ESPNL: variants seen among roughly 807,000 people sequenced by gnomAD.
ESPNL encodes espin-like protein.
In ESPNL, 49 loss-of-function variants were observed where a neutral mutation model predicts 46.8. The ratio of observed to expected loss-of-function variants is 1.05; its 90% confidence interval spans 0.83 to 1.33. ESPNL has a LOEUF of 1.33. ESPNL is among the 40% of genes most tolerant of loss of function. The probability of loss-of-function intolerance (pLI) is 0.00; values close to 1 mark genes in which losing one functional copy is unlikely to be tolerated. For synonymous variants in ESPNL, 664 were observed against 662.1 expected (o/e 1.00, Z -0.04); for missense variants, 1,540 against 1,436.6 (o/e 1.07, Z -1.16).
chr2:238,100,982 A>G (rs1286024628), intron 1 of ESPNL, among the ~76,000 whole-genome samples: 1 of 152,208 alleles, frequency 6.6e-6, no homozygotes, highest in Non-Finnish European at 1.5e-5. Flanking sequence ...GCCAGATATC[A>G]GGACCCCTGT....
chr2:238,101,291 G>C (rs1456320942), intron 1 of ESPNL, among the ~76,000 whole-genome samples: 1 of 152,108 alleles, frequency 6.6e-6, no homozygotes, highest in African/African-American at 2.4e-5. Context: ...CCGCCCAGAG[G>C]TCAGAGTTGA....
At chr2:238,108,632 C>T (rs1691653922) in intron 4 of ESPNL, among the ~76,000 whole-genome samples, 1 of 152,178 alleles carries the variant, frequency 6.6e-6, no homozygotes, top group Admixed American at 6.5e-5. Context: ...CTCCTGGTTC[C>T]CCACGTTCTT....
chr2:238,121,083 C>T (rs981787271), intron 5 of ESPNL, among the ~76,000 whole-genome samples: 1 of 152,178 alleles, frequency 6.6e-6, no homozygotes, highest in Non-Finnish European at 1.5e-5. Context: ...TCGGGCTCTG[C>T]TCAGGGTGCT....
chr2:238,131,289 A>T lies in ESPNL; in HGVS notation c.2575A>T (p.Met859Leu). The T allele has an allele frequency of 1.3e-6, 2 of 1,581,182 alleles. No homozygotes were observed. Among genetic ancestry groups the T allele is most frequent in the Non-Finnish European group, 1.7e-6 (2 of 1,164,952 alleles). Residue 859 changes from methionine to leucine, a missense_variant, in exon 9 of 9, where the codon ATG (methionine) becomes TTG (leucine). Met to Leu is a conservative substitution (Grantham distance 15, BLOSUM62 2). Transcript: ENST00000343063. Reference protein sequence around the residue: ...PYSSLSLDLFMLGYFQLLECD... With the variant: ...PYSSLSLDLFLLGYFQLLECD... The stretch of plus-strand genomic sequence containing the variant: ...CAGCAGCCTCTCACTGGATCTCTTC[A>T]TGCTGGGTTACTTCCAGCTGCTGGA...
chr2:238,110,150 G>A (rs2106467222), intron 4 of ESPNL, among the ~76,000 whole-genome samples: 1 of 150,012 alleles, frequency 6.7e-6, no homozygotes, highest in South Asian at 2.1e-4. Context: ...TCTGTCCCAG[G>A]ATCCCATTTA....
intron 8 of ESPNL, 46 bp from the exon 9 acceptor site, chr2:238,130,082 T>C (rs1304441364): frequency 5.1e-6 from 8 of 1,566,552 alleles, no homozygotes; most frequent in Non-Finnish European, 5.2e-6. Flanking sequence ...GGGCTGATGG[T>C]GGGTGGGTGG....
At chr2:238,119,908 C>T (rs1287022940) in intron 5 of ESPNL, among the ~76,000 whole-genome samples, 4 of 152,266 alleles carry the variant, frequency 2.6e-5, no homozygotes, top group African/African-American at 9.6e-5. Flanking sequence ...CTGCTGGACA[C>T]TTGTCACACT....
intron 5 of ESPNL, among the ~76,000 whole-genome samples, chr2:238,117,968 GAC>G (rs1203764197): frequency 2.6e-5 from 4 of 151,536 alleles, no homozygotes; most frequent in Non-Finnish European, 4.4e-5. Context: ...AGGGGAGGTG[GAC>G]AGAGGAGAAA....
At position 238,130,333 on chromosome 2, in the gene ESPNL, T is replaced by C. The variant is rs1692271611; in HGVS notation, c.1619T>C (p.Leu540Pro). Reference protein sequence around the residue: ...LGRLAAELQALLPEPLVSITV... With the variant: ...LGRLAAELQAPLPEPLVSITV... ...CGGTTGGCGGCTGAGCTGCAGGCCCTGCTGCCCGAGCCCCTGGTCAGCATC... is the reference window on the plus strand; with the variant it reads ...CGGTTGGCGGCTGAGCTGCAGGCCCCGCTGCCCGAGCCCCTGGTCAGCATC... The change falls in exon 9 of 9, where the codon CTG becomes CCG. Residue 540 changes from leucine to proline, a missense_variant. Transcript: ENST00000343063. The C allele has an allele frequency of 6.2e-7, 1 of 1,607,578 alleles. No homozygotes were observed. Among genetic ancestry groups the C allele is most frequent in the Non-Finnish European group, 8.5e-7 (1 of 1,177,698 alleles).
At chr2:238,104,937 C>T in intron 3 of ESPNL, 95 bp downstream of exon 3, 1 of 1,137,954 alleles carries the variant, frequency 8.8e-7, no homozygotes. Flanking sequence ...CCAGAGGGAA[C>T]TGGGGACACG....
At chr2:238,106,304 T>C (rs1691597848) in intron 3 of ESPNL, among the ~76,000 whole-genome samples, 1 of 152,192 alleles carries the variant, frequency 6.6e-6, no homozygotes, top group Non-Finnish European at 1.5e-5. Flanking sequence ...ACCATGGCCC[T>C]GAGGCCCTTG....
chr2:238,123,698 C>A (rs1373650816), intron 5 of ESPNL, among the ~76,000 whole-genome samples: 1 of 152,222 alleles, frequency 6.6e-6, no homozygotes, highest in Non-Finnish European at 1.5e-5. Flanking sequence ...CCCAGGACAG[C>A]TGTGCTCCCT....
Position 238,130,412 on chromosome 2 carries a change from C to T in ESPNL, c.1698C>T (p.Ala566=). The T allele has an allele frequency of 6.2e-7, 1 of 1,610,146 alleles. No homozygotes were observed. Among genetic ancestry groups the T allele is most frequent in the Non-Finnish European group, 8.5e-7 (1 of 1,178,874 alleles). ...PRAPGLEVEE[A]SIPAAEPAGS... ...CGCCCGGACTGGAGGTTGAGGAGGC[C>T]TCAATCCCAGCGGCTGAGCCCGCAG... is the stretch of plus-strand genomic sequence containing the variant. Residue 566 remains alanine, a synonymous_variant, in exon 9 of 9, where the codon GCC becomes GCT. Coordinates refer to ENST00000343063, the MANE Select transcript of ESPNL (RefSeq NM_194312.4).
chr2:238,101,205 C>A (rs191479080), intron 1 of ESPNL, among the ~76,000 whole-genome samples: 116 of 152,312 alleles, frequency 7.6e-4, no homozygotes, highest in Non-Finnish European at 1.4e-3. Flanking sequence ...GCAGGCGAGG[C>A]CCTTAGAGCT....
intron 6 of ESPNL, among the ~76,000 whole-genome samples, chr2:238,127,227 G>T (rs1331578321): frequency 1.3e-5 from 2 of 152,226 alleles, no homozygotes; most frequent in Non-Finnish European, 2.9e-5. Flanking sequence ...ATGCAGACGT[G>T]TTCTTCACTC....
At chr2:238,103,410 T>C (rs1362686615) in intron 2 of ESPNL, among the ~76,000 whole-genome samples, 1 of 148,146 alleles carries the variant, frequency 6.8e-6, no homozygotes, top group Non-Finnish European at 1.5e-5. Context: ...GCCTGGGCGA[T>C]AGAGCAAGAC....
At chr2:238,126,505 G>T (rs1194709290) in intron 6 of ESPNL, among the ~76,000 whole-genome samples, 1 of 150,520 alleles carries the variant, frequency 6.6e-6, no homozygotes, top group East Asian at 2.0e-4. Flanking sequence ...GTCTGTTTCT[G>T]TGTGTGATTG....
intron 4 of ESPNL, among the ~76,000 whole-genome samples, chr2:238,112,973 C>G (rs1216303282): frequency 6.6e-6 from 1 of 152,202 alleles, no homozygotes; most frequent in African/African-American, 2.4e-5. Context: ...CGCTACATGT[C>G]CATTATGTCA....
At chr2:238,112,494 T>C (rs2106468284) in intron 4 of ESPNL, among the ~76,000 whole-genome samples, 1 of 152,304 alleles carries the variant, frequency 6.6e-6, no homozygotes, top group East Asian at 1.9e-4. Flanking sequence ...AAGCATTAAT[T>C]GTCTCCAATG....
Sources: gnomAD v4.1 joint callset for allele counts (sites outside exome capture counted in the v4.1 genomes callset) on GRCh38, gnomAD v4.1.1 for gene constraint, MANE v1.5 for transcripts, NCBI Gene and HGNC (gene_info 2026-07-23, HGNC 2026-07-21) for gene names.